Variants in PCDHGA5 observed in about 807,000 individuals in gnomAD.
The protein encoded by PCDHGA5 is protocadherin gamma-A5.
A neutral mutation model predicts 56.7 loss-of-function variants in PCDHGA5; 36 were observed. The ratio of observed to expected loss-of-function variants is 0.64; its 90% CI spans 0.49 to 0.84. The LOEUF is 0.84. Among genes scored for constraint, PCDHGA5 ranks in the 40% least tolerant of loss-of-function variants. The pLI is 0.00. For missense variants in PCDHGA5, 1,305 were observed against 1,201.5 expected (o/e 1.09, Z -1.27); for synonymous variants, 563 against 520.2 (o/e 1.08, Z -1.12).
chr5:141,388,662 A>T, intron 1 of PCDHGA5: 1 of 1,613,954 alleles, frequency 6.2e-7, no homozygotes, highest in Non-Finnish European at 8.5e-7. Flanking sequence ...CCCGGGGACC[A>T]CGGTGCTACA....
At chr5:141,400,089 C>T (rs200160561) in intron 1 of PCDHGA5, 568 of 1,613,960 alleles carry the variant, frequency 3.5e-4, no homozygotes, top group Non-Finnish European at 4.6e-4. Flanking sequence ...CCGCCACCGC[C>T]ACGCTGCACT....
At chr5:141,389,919 C>T (rs777835466) in intron 1 of PCDHGA5, 22 of 1,613,962 alleles carry the variant, frequency 1.4e-5, no homozygotes, top group Middle Eastern at 1.6e-4. Context: ...CCGCCCCGAC[C>T]CCTCTGACCT....
intron 1 of PCDHGA5, chr5:141,370,382 C>T (rs1326664452): frequency 6.5e-7 from 1 of 1,532,830 alleles, no homozygotes; most frequent in Non-Finnish European, 8.8e-7. Flanking sequence ...AAGGCAAAGG[C>T]GCAGAGAGCG....
intron 1 of PCDHGA5, chr5:141,371,020 A>T: frequency 6.2e-7 from 1 of 1,613,970 alleles, no homozygotes; most frequent in Non-Finnish European, 8.5e-7. Context: ...CCACATCACC[A>T]CCTGGTCCTC....
At chr5:141,381,409 G>T (rs998398001) in intron 1 of PCDHGA5, among the ~76,000 whole-genome samples, 1 of 152,220 alleles carries the variant, frequency 6.6e-6, no homozygotes, top group Non-Finnish European at 1.5e-5. Context: ...CAACATCAGT[G>T]GAGAGACGAG....
rs761386567 is a variant in PCDHGA5 at position 141,383,468 on chromosome 5, A to G, written c.2421+16717A>G. ...GTGCAAAGTGGAGACGATGAAACTA[A>G]GTACCCGGAACTGGTGCTGGAGCGG... On this transcript the variant is annotated intron_variant, in intron 1 of 3. Transcript: ENST00000518069. The G allele has an allele frequency of 1.1e-5, 17 of 1,613,656 alleles. 1 individual carries two copies. In the South Asian group the frequency reaches 1.9e-4, roughly 18 times the overall value.
At chr5:141,394,833 G>A (rs867584109) in intron 1 of PCDHGA5, 1 of 1,613,848 alleles carries the variant, frequency 6.2e-7, no homozygotes, top group South Asian at 1.1e-5. Flanking sequence ...AGTCCTGACC[G>A]AGTTGGGCAG....
In PCDHGA5 at chr5:141,381,098, G is replaced by A. The variant is rs114784627; in HGVS notation, c.2421+14347G>A. Reference sequence around the variant, plus strand: ...TTATTTTGATAGATCAAAACAGAATGTCCTTCAAAGTGTTCCCTGTATTCT... The same window carrying A: ...TTATTTTGATAGATCAAAACAGAATATCCTTCAAAGTGTTCCCTGTATTCT... On this transcript the variant is annotated intron_variant, in intron 1 of 3. Transcript: ENST00000518069. 2.4e-3 allele frequency among the ~76,000 whole-genome samples: 370 copies of A among 152,320 alleles called. 4 individuals carry two copies. Among genetic ancestry groups the A allele is most frequent in the African/African-American group, 8.6e-3 (357 of 41,576 alleles).
chr5:141,415,502 A>T, intron 1 of PCDHGA5: 1 of 1,614,204 alleles, frequency 6.2e-7, no homozygotes, highest in African/African-American at 1.3e-5. Flanking sequence ...ATCTTCCCCC[A>T]GCCCAATTAT....
At position 141,486,646 on chromosome 5, in the gene PCDHGA5, C is replaced by T; in HGVS notation, c.2422-8161C>T. On this transcript the variant is annotated intron_variant, in intron 1 of 3. Transcript: ENST00000518069. The surrounding 1 kb of genome is among the most constrained non-coding windows in gnomAD (Gnocchi z 5.0). ...ACTCTGGCTTGAATGCGCTTATCTC[C>T]TACTCACTCCTGGAGCCCAGGAATC... is the stretch of plus-strand genomic sequence containing the variant. 4.3e-6 allele frequency: 7 copies of T among 1,613,916 alleles called. No individual in the cohort carries two copies. Among genetic ancestry groups the T allele is most frequent in the African/African-American group, 1.3e-5 (1 of 75,058 alleles).
At chr5:141,386,658 G>A (rs191902245) in intron 1 of PCDHGA5, among the ~76,000 whole-genome samples, 60 of 151,932 alleles carry the variant, frequency 3.9e-4, no homozygotes, top group African/African-American at 1.4e-3. Context: ...TACAAGTTCT[G>A]CAGTGTTCAC....
In PCDHGA5 at chr5:141,372,254, C is replaced by T. The variant is rs776276298; in HGVS notation, c.2421+5503C>T. The T allele has an allele frequency of 2.2e-5, 35 of 1,612,978 alleles. No homozygotes were observed. In the East Asian group the frequency reaches 7.6e-4, roughly 35 times the overall value. On this transcript the variant is annotated intron_variant, in intron 1 of 3. Transcript: ENST00000518069. ...GCGAGCCCGGGCTGTTCAGCCTGGG[C>T]CTGCGCACGGGTGAGGTGCGCACGG...
chr5:141,415,484 G>C (rs369349538), intron 1 of PCDHGA5: 18 of 1,614,102 alleles, frequency 1.1e-5, no homozygotes, highest in Non-Finnish European at 1.5e-5. Flanking sequence ...TCGCGAAAGA[G>C]TCACCTGATC....
chr5:141,490,910 A>G lies in PCDHGA5; in HGVS notation c.2422-3897A>G. The G allele has an allele frequency of 1.2e-6, 2 of 1,613,652 alleles. No individual in the cohort carries two copies. Among genetic ancestry groups the G allele is most frequent in the African/African-American group, 1.3e-5 (1 of 75,048 alleles). ...TCTCTGCATGTGTTTGTCCTAGACG[A>G]GAATGATAATGCCCCAGCTGTGCTG... On this transcript the variant is annotated intron_variant, in intron 1 of 3. Transcript: ENST00000518069. This position sits in a 1 kb window ranked among gnomAD's most constrained non-coding sequence, Gnocchi z 5.4.
In PCDHGA5 at chr5:141,431,159, C is replaced by A. The variant is rs1017606383; in HGVS notation, c.2422-63648C>A. On this transcript the variant is annotated intron_variant, in intron 1 of 3. Coordinates refer to ENST00000518069, the MANE Select transcript of PCDHGA5 (RefSeq NM_018918.3). The surrounding 1 kb of genome is among the most constrained non-coding windows in gnomAD (Gnocchi z 4.8). The stretch of plus-strand genomic sequence containing the variant: ...CATTAACGACAATGCGCCTTACTTT[C>A]GTGAAAGTGAATTAGAAATAAAAAT... The A allele has an allele frequency of 6.2e-7, 1 of 1,614,158 alleles. No homozygotes were observed. The highest frequency in any genetic ancestry group is 1.3e-5 in the African/African-American group (1 of 75,046).
At chr5:141,379,227 T>C (rs1355383312) in intron 1 of PCDHGA5, 3 of 152,248 alleles carry the variant, frequency 2.0e-5, no homozygotes, top group Non-Finnish European at 4.4e-5. Flanking sequence ...TATGTGTTTT[T>C]CTGAACCAAT....
At chr5:141,382,520 G>A (rs1778262322) in intron 1 of PCDHGA5, among the ~76,000 whole-genome samples, 1 of 152,192 alleles carries the variant, frequency 6.6e-6, no homozygotes, top group South Asian at 2.1e-4. Context: ...TTAATTCAGT[G>A]TCTTAAAATG....
rs537196945 is a variant in PCDHGA5 at position 141,470,749 on chromosome 5, G to A, written c.2422-24058G>A. 3.9e-5 allele frequency among the ~76,000 whole-genome samples: 6 copies of A among 152,260 alleles called. No individual in the cohort carries two copies. The East Asian group carries it at 7.7e-4, about 20-fold the overall frequency. On this transcript the variant is annotated intron_variant, in intron 1 of 3. Coordinates refer to ENST00000518069, the MANE Select transcript of PCDHGA5 (RefSeq NM_018918.3). ...GTCTTGCTCTGTCGCCCTGGCTGGAGTGCAGTGGACTCACTACAGTCTTGA... is the reference window on the plus strand; with the variant it reads ...GTCTTGCTCTGTCGCCCTGGCTGGAATGCAGTGGACTCACTACAGTCTTGA...
chr5:141,423,562 A>C (rs374427537), intron 1 of PCDHGA5: 1 of 1,613,612 alleles, frequency 6.2e-7, no homozygotes, highest in African/African-American at 1.3e-5. Context: ...CTATGGGGAC[A>C]CGCTCATCAG....
Sources: gnomAD v4.1 joint callset for allele counts (sites outside exome capture counted in the v4.1 genomes callset) on GRCh38, gnomAD v4.1.1 for gene constraint, Gnocchi (gnomAD v3.1) non-coding constraint, MANE v1.5 for transcripts, NCBI Gene and HGNC (gene_info 2026-07-23, HGNC 2026-07-21) for gene names.